The following SLC16A4 variants were observed in gnomAD, a reference collection of about 807,000 sequenced individuals.
SLC16A4 encodes probable monocarboxylate transporter 5.
SLC16A4 carries 39 observed loss-of-function variants against 47.9 expected under a neutral mutation model. That is an observed-to-expected ratio of 0.81 (90% CI 0.63 to 1.06). The LOEUF (loss-of-function observed/expected upper bound fraction) is 1.06. Among genes scored for constraint, SLC16A4 ranks in the 50% least tolerant of loss-of-function variants. The pLI, the probability that SLC16A4 is intolerant of heterozygous loss-of-function variation, is 0.00. For synonymous variants in SLC16A4, 189 were observed against 199.9 expected (o/e 0.95, Z 0.46); for missense variants, 524 against 573.8 (o/e 0.91, Z 0.89).
rs1461615431 is a variant in SLC16A4 at position 110,362,880 on chromosome 1, T to A, written c.*886A>T. 9 of 152,202 alleles carry A rather than the reference T, an allele frequency of 5.9e-5. No individual in the cohort carries two copies. The highest frequency in any genetic ancestry group is 5.9e-4 in the Admixed American group (9 of 15,286). 9.4% of individuals were successfully genotyped at this position (152,202 alleles called of 1,614,324 possible). A position where few individuals can be genotyped will look rare whatever the true frequency, so the allele number is the denominator to read the frequency against. ...AGCAATTTTTATATACTTTTTATTA[T>A]TTAGCAATACATGTTTATCATAGAA... On this transcript the variant is annotated 3_prime_UTR_variant, in exon 9 of 9. Transcript: ENST00000369779.
At chr1:110,371,195 T>C (rs866588092) in intron 8 of SLC16A4, 3 of 152,354 alleles carry the variant, frequency 2.0e-5, no homozygotes, top group African/African-American at 4.8e-5. Context: ...TAATTACTTA[T>C]AGTGTTTTAG....
chr1:110,383,772 T>G (rs1258819083), intron 2 of SLC16A4, among the ~76,000 whole-genome samples: 3 of 151,260 alleles, frequency 2.0e-5, no homozygotes, highest in African/African-American at 7.3e-5. Context: ...GGAAGTGTTT[T>G]TTTTTTTTTT....
At chr1:110,369,021 C>T (rs1188119558) in intron 8 of SLC16A4, among the ~76,000 whole-genome samples, 1 of 149,126 alleles carries the variant, frequency 6.7e-6, no homozygotes, top group African/African-American at 2.5e-5. Context: ...GTGGTGCAAT[C>T]TCGGCTCACT....
At chr1:110,385,838 C>T (rs946671851) in intron 2 of SLC16A4, among the ~76,000 whole-genome samples, 3 of 152,164 alleles carry the variant, frequency 2.0e-5, no homozygotes, top group African/African-American at 7.2e-5. Context: ...TATCAGGCCC[C>T]CATTGAGGCA....
intron 5 of SLC16A4, among the ~76,000 whole-genome samples, chr1:110,380,320 T>C (rs1662302488): frequency 6.6e-6 from 1 of 152,092 alleles, no homozygotes; most frequent in African/African-American, 2.4e-5. Flanking sequence ...TTAGGAAAGA[T>C]TCAACAAAAC....
At chr1:110,366,051 A>G (rs1465629880) in intron 8 of SLC16A4, among the ~76,000 whole-genome samples, 1 of 151,856 alleles carries the variant, frequency 6.6e-6, no homozygotes, top group African/African-American at 2.4e-5. Flanking sequence ...GGCCTCCCAA[A>G]GTGCTGGGAT....
At chr1:110,380,151 C>G (rs1176828067) in intron 5 of SLC16A4, among the ~76,000 whole-genome samples, 1 of 151,174 alleles carries the variant, frequency 6.6e-6, no homozygotes, top group East Asian at 2.0e-4. Flanking sequence ...ATGACAGATG[C>G]TAATCTTGCC....
chr1:110,378,803 A>G (rs763015077), intron 6 of SLC16A4, 50 bp downstream of exon 6: 1 of 1,530,752 alleles, frequency 6.5e-7, no homozygotes. Context: ...AGCTTGTAAA[A>G]TTAAGTTGAT....
intron 8 of SLC16A4, among the ~76,000 whole-genome samples, chr1:110,365,999 C>T (rs1661356643): frequency 1.3e-5 from 2 of 151,902 alleles, no homozygotes; most frequent in South Asian, 2.1e-4. Context: ...AAGTTACCCA[C>T]GCTAGTCTCA....
At chr1:110,389,832 G>GT (rs1348212720) in intron 1 of SLC16A4, among the ~76,000 whole-genome samples, 16 of 152,144 alleles carry the variant, frequency 1.1e-4, no homozygotes, top group Non-Finnish European at 4.4e-5. Context: ...TCACTTATAA[G>GT]TGGGAGCTAA....
At position 110,363,769 on chromosome 1, in the gene SLC16A4, G is replaced by C; in HGVS notation, c.1461C>G (p.Thr487=). The C allele has an allele frequency of 6.2e-7, 1 of 1,606,130 alleles. No homozygotes were observed. Among genetic ancestry groups the C allele is most frequent in the Non-Finnish European group, 8.5e-7 (1 of 1,177,112 alleles). The change falls in exon 9 of 9, where the codon ACC becomes ACG. Residue 487 remains threonine, a synonymous_variant. Transcript: ENST00000369779. The stretch of plus-strand genomic sequence containing the variant: ...CTTGATTGCAGTCTTCTTTCTTTCA[G>C]GTCAGACTGTTTTTCCATCTTTCGG... ...PLAERWKNSL[T] is the part of the protein sequence containing the mutation.
intron 4 of SLC16A4, among the ~76,000 whole-genome samples, 166 bp from the exon 5 acceptor site, chr1:110,381,309 A>G (rs1472306145): frequency 2.2e-5 from 3 of 134,666 alleles, no homozygotes; most frequent in African/African-American, 3.1e-5. Flanking sequence ...ATGGATGCAT[A>G]TATACATACA....
chr1:110,371,338 C>A (rs891681433), intron 8 of SLC16A4: 1 of 152,038 alleles, frequency 6.6e-6, no homozygotes, highest in Non-Finnish European at 1.5e-5. Flanking sequence ...ATTTTATAGG[C>A]AACTAATATG....
intron 7 of SLC16A4, 107 bp downstream of exon 7, chr1:110,376,843 A>ATT (rs1185227023): frequency 1.0e-6 from 1 of 963,502 alleles, no homozygotes; most frequent in Non-Finnish European, 1.5e-6. Flanking sequence ...CTTTGAAATG[A>ATT]TTTTTTAAGT....
chr1:110,375,491 C>G lies in SLC16A4; in HGVS notation c.1303G>C (p.Gly435Arg). The G allele has an allele frequency of 6.2e-7, 1 of 1,613,058 alleles. No individual in the cohort carries two copies. Among genetic ancestry groups the G allele is most frequent in the East Asian group, 2.2e-5 (1 of 44,884 alleles). ...RFLGLASFFA[G>R]MAVLSGPPIA... ...GGTGGTCCAGAAAGGACAGCCATCCCAGCAAAGAAACTGGCAAGTCCCAAA... is the reference window on the plus strand; with the variant it reads ...GGTGGTCCAGAAAGGACAGCCATCCGAGCAAAGAAACTGGCAAGTCCCAAA... Residue 435 changes from glycine to arginine, a missense_variant, in exon 8 of 9, where the codon GGG (glycine) becomes CGG (arginine). By Grantham distance (125) the Gly-to-Arg change is moderately radical. Transcript: ENST00000369779.
intron 8 of SLC16A4, chr1:110,370,186 G>A: frequency 6.6e-6 from 1 of 152,070 alleles, no homozygotes; most frequent in East Asian, 1.9e-4. Flanking sequence ...AATCTGTAAG[G>A]CTTTGTAGTT....
intron 8 of SLC16A4, chr1:110,373,109 G>T (rs1186304402): frequency 6.6e-6 from 1 of 151,846 alleles, no homozygotes; most frequent in African/African-American, 2.4e-5. Context: ...TTCTTTTCAG[G>T]TAATGGTCTT....
chr1:110,375,292 C>G, intron 8 of SLC16A4, 166 bp downstream of exon 8: 1 of 608,930 alleles, frequency 1.6e-6, no homozygotes, highest in South Asian at 2.1e-5. Flanking sequence ...AGAATCTGAG[C>G]CTTCAGATTT....
chr1:110,376,983 A>G lies in SLC16A4; in HGVS notation c.1209T>C (p.Ala403=). Reference sequence around the variant, plus strand: ...GCAGTATCAATGCCAGGTAACCACCAGCAAAGATGGCAAAGCAGATGGTGT... The same window carrying G: ...GCAGTATCAATGCCAGGTAACCACCGGCAAAGATGGCAAAGCAGATGGTGT... The part of the protein sequence containing the change: ...MTYTICFAIF[A]GGYLALILPV... The change falls in exon 7 of 9, where the codon GCT becomes GCC. Residue 403 remains alanine, a synonymous_variant. Coordinates refer to ENST00000369779, the MANE Select transcript of SLC16A4 (RefSeq NM_004696.3). 2 of 1,614,142 alleles carry G rather than the reference A, an allele frequency of 1.2e-6. No individual in the cohort carries two copies. Among genetic ancestry groups the G allele is most frequent in the Non-Finnish European group, 1.7e-6 (2 of 1,179,974 alleles).
Sources: gnomAD v4.1 joint callset for allele counts (sites outside exome capture counted in the v4.1 genomes callset) on GRCh38, gnomAD v4.1.1 for gene constraint, MANE v1.5 for transcripts, NCBI Gene and HGNC (gene_info 2026-07-23, HGNC 2026-07-21) for gene names.